The following STX18 variants were observed in gnomAD, a reference collection of about 807,000 sequenced individuals.
STX18 encodes syntaxin-18.
A neutral mutation model predicts 50.1 loss-of-function variants in STX18; 40 were observed. The observed-to-expected ratio is 0.80, with a 90% CI of 0.62 to 1.04. The LOEUF (loss-of-function observed/expected upper bound fraction) is 1.04. Ranked by LOEUF, STX18 falls within the 50% of genes least tolerant of loss-of-function variation. The pLI is 0.00. For missense variants in STX18, 410 were observed against 415.8 expected, an observed-to-expected ratio of 0.99 and a Z score of 0.12; for synonymous variants, 158 against 151.8, an observed-to-expected ratio of 1.04 and a Z score of -0.30.
chr4:4,489,897 A>G (rs960731974), intron 1 of STX18, among the ~76,000 whole-genome samples: 6 of 152,214 alleles, frequency 3.9e-5, no homozygotes, highest in Non-Finnish European at 8.8e-5. Flanking sequence ...CTTTGGACAA[A>G]AAATTTAAGG....
chr4:4,420,846 A>T lies in STX18; in HGVS notation c.912+18T>A. 6.2e-7 allele frequency: 1 copy of T among 1,612,392 alleles called. No homozygotes were observed. Among genetic ancestry groups the T allele is most frequent in the Non-Finnish European group, 8.5e-7 (1 of 1,178,512 alleles). On this transcript the variant is annotated intron_variant, in intron 10 of 10. Coordinates refer to ENST00000306200, the MANE Select transcript of STX18 (RefSeq NM_016930.4). The surrounding 1 kb of genome is among the most constrained non-coding windows in gnomAD (Gnocchi z 4.3). ...GTGCTGCGCCACGTCGCACCTGGGG[A>T]ACCTAAACAGTGCCTACCTCTCTTA...
chr4:4,448,031 G>C lies in STX18; in HGVS notation c.497+9160C>G, dbSNP rs367780276. ...TCTGAATGTCACTGTGAAGGGGGAA[G>C]GACTGAAGGAGCCTTGACAGAGTAG... On this transcript the variant is annotated intron_variant, in intron 5 of 10. Coordinates refer to ENST00000306200, the MANE Select transcript of STX18 (RefSeq NM_016930.4). 9.8e-5 allele frequency among the ~76,000 whole-genome samples: 15 copies of C among 152,286 alleles called. No homozygotes were observed. In the East Asian group the frequency reaches 2.1e-3, roughly 22 times the overall value.
chr4:4,471,832 G>A (rs1448081717), intron 1 of STX18, 126 bp from the exon 2 acceptor site: 14 of 658,466 alleles, frequency 2.1e-5, no homozygotes, highest in Middle Eastern at 4.3e-4. Flanking sequence ...GAGCACCGTC[G>A]GTTTTGGACT....
At chr4:4,421,065 G>A in intron 9 of STX18, 121 bp from the exon 10 acceptor site, 1 of 953,968 alleles carries the variant, frequency 1.0e-6, no homozygotes, top group Middle Eastern at 2.2e-4. Context: ...TCAGATTTTG[G>A]AGCACTTAGG....
chr4:4,481,780 T>C (rs1266338998), intron 1 of STX18: 1 of 152,264 alleles, frequency 6.6e-6, no homozygotes, highest in African/African-American at 2.4e-5. Context: ...CCTATCCCTG[T>C]GCAAAAGAAG....
chr4:4,492,393 A>G (rs1728981594), intron 1 of STX18, among the ~76,000 whole-genome samples: 1 of 152,156 alleles, frequency 6.6e-6, no homozygotes, highest in South Asian at 2.1e-4. Context: ...TTTGTTGGAA[A>G]GGATTCGCTC....
At position 4,507,478 on chromosome 4, in the gene STX18, A is replaced by T; in HGVS notation, c.168+34319T>A. Reference sequence around the variant, plus strand: ...GAAAAAGTTCAGTGGAAAGCATATTATCTTTATCGCTCAGAGGAGAATTCT... The same window carrying T: ...GAAAAAGTTCAGTGGAAAGCATATTTTCTTTATCGCTCAGAGGAGAATTCT... On this transcript the variant is annotated intron_variant, in intron 1 of 10. Transcript: ENST00000306200. 6.6e-6 allele frequency: 5 copies of T among 762,146 alleles called. No homozygotes were observed. The South Asian group carries it at 6.7e-5, about 10-fold the overall frequency. 47.2% of individuals were successfully genotyped at this position (762,146 alleles called of 1,614,324 possible).
chr4:4,506,689 G>A (rs1051441231), intron 1 of STX18, among the ~76,000 whole-genome samples: 2 of 152,130 alleles, frequency 1.3e-5, no homozygotes, highest in African/African-American at 4.8e-5. Flanking sequence ...TAGATACTAT[G>A]TTTTTTCTAT....
rs573948274 is a variant in STX18 at position 4,471,525 on chromosome 4, C to T, written c.236+114G>A. The T allele has an allele frequency of 1.7e-4, 110 of 646,184 alleles. 3 individuals are homozygous for T. In the South Asian group the frequency reaches 3.1e-3, roughly 18 times the overall value. The allele number at this position is 646,184 out of a possible 1,614,324, so 40.0% of individuals were successfully genotyped here. A position where few individuals can be genotyped will look rare whatever the true frequency, so the allele number is the denominator to read the frequency against. ...ATTTTTCCACTGCCAAACTGGTCTT[C>T]CTCATTACAACTCTGAGTTATTAAG... On this transcript the variant is annotated intron_variant, in intron 2 of 10. Coordinates refer to ENST00000306200, the MANE Select transcript of STX18 (RefSeq NM_016930.4).
In STX18 at chr4:4,541,843, C is replaced by G. The variant is rs1317715483; in HGVS notation, c.122G>C (p.Arg41Pro). 1 of 1,611,382 alleles carries G rather than the reference C, an allele frequency of 6.2e-7. No homozygotes were observed. The highest frequency in any genetic ancestry group is 8.5e-7 in the Non-Finnish European group (1 of 1,179,258). ...GAAGTCGCCCTTGGGCCGGGGGCTC[C>G]GGCGGAACAGCTCGTCCCGGCTGCC... ...VDGSRDELFR[R>P]SPRPKGDFSS... Residue 41 changes from arginine to proline, a missense_variant, in exon 1 of 11, where the codon CGG becomes CCG. Arg to Pro is a moderately radical substitution (Grantham distance 103). Transcript: ENST00000306200.
At chr4:4,510,991 T>G (rs1729977524) in intron 1 of STX18, among the ~76,000 whole-genome samples, 1 of 151,992 alleles carries the variant, frequency 6.6e-6, no homozygotes, top group African/African-American at 2.4e-5. Context: ...CAACACACAC[T>G]GGAGCCTGTT....
chr4:4,542,145 C>T (rs570707674), upstream of STX18: 7 of 763,770 alleles, frequency 9.2e-6, no homozygotes, highest in Non-Finnish European at 1.3e-5. Flanking sequence ...AAGGTTCCGG[C>T]CTCAGCCGGC....
chr4:4,476,823 G>T (rs112854471), intron 1 of STX18, among the ~76,000 whole-genome samples: 4,069 of 152,184 alleles, frequency 0.027, 77 homozygotes, highest in Non-Finnish European at 0.039. Context: ...AAGGCTGAAG[G>T]TGAGTACATG....
intron 1 of STX18, among the ~76,000 whole-genome samples, chr4:4,496,585 G>A (rs904886312): frequency 9.2e-5 from 14 of 152,086 alleles, no homozygotes; most frequent in African/African-American, 2.2e-4. Flanking sequence ...AAGCCTTTGC[G>A]CTAAGGAGGA....
At chr4:4,514,476 C>G (rs1397956664) in intron 1 of STX18, among the ~76,000 whole-genome samples, 1 of 152,160 alleles carries the variant, frequency 6.6e-6, no homozygotes. Flanking sequence ...GATGTGATTT[C>G]TACTAACTTT....
At position 4,519,055 on chromosome 4, in the gene STX18, A is replaced by G. The variant is rs113968329; in HGVS notation, c.168+22742T>C. 2.4e-3 allele frequency among the ~76,000 whole-genome samples: 358 copies of G among 152,308 alleles called. 3 individuals carry two copies. Among genetic ancestry groups the G allele is most frequent in the African/African-American group, 8.0e-3 (331 of 41,576 alleles). On this transcript the variant is annotated intron_variant, in intron 1 of 10. Transcript: ENST00000306200. Reference sequence around the variant, plus strand: ...AACCACTCCTCATAAAAACTGCTATAATTTTCTAGGACAGAGACAATAAAA... The same window carrying G: ...AACCACTCCTCATAAAAACTGCTATGATTTTCTAGGACAGAGACAATAAAA...
At chr4:4,437,539 C>T in intron 6 of STX18, 1 of 897,322 alleles carries the variant, frequency 1.1e-6, no homozygotes, top group Non-Finnish European at 1.3e-6. Flanking sequence ...AAATCCAAAA[C>T]ACTTCTGGTC....
At chr4:4,522,719 C>T (rs1360073751) in intron 1 of STX18, among the ~76,000 whole-genome samples, 4 of 151,904 alleles carry the variant, frequency 2.6e-5, no homozygotes, top group African/African-American at 9.7e-5. Flanking sequence ...GTGGAAGAAA[C>T]AAAGAAAAGT....
chr4:4,479,846 G>A (rs1728371351), intron 1 of STX18, among the ~76,000 whole-genome samples: 1 of 152,118 alleles, frequency 6.6e-6, no homozygotes, highest in African/African-American at 2.4e-5. Flanking sequence ...GTTTTACTAG[G>A]AAACACCAAA....
Sources: allele counts gnomAD v4.1 joint callset (sites outside exome capture counted in the v4.1 genomes callset), GRCh38; gene constraint gnomAD v4.1.1; non-coding constraint Gnocchi (gnomAD v3.1); transcripts MANE v1.5; gene names NCBI Gene and HGNC (gene_info 2026-07-23, HGNC 2026-07-21).